FLNC: variants seen among roughly 807,000 people sequenced by gnomAD.
FLNC encodes the protein filamin C.
A neutral mutation model predicts 254.3 loss-of-function variants in FLNC; 91 were observed. That is an observed-to-expected ratio of 0.36 (90% CI 0.30 to 0.43). FLNC has a LOEUF of 0.43. Ranked by LOEUF, FLNC falls within the 20% of genes least tolerant of loss-of-function variation. FLNC has a pLI of 1.00. For missense variants in FLNC, 2,853 were observed against 3,802.6 expected (o/e 0.75, Z 6.57); for synonymous variants, 1,430 against 1,577.2 (o/e 0.91, Z 2.21).
chr7:128,851,164 G>A, intron 33 of FLNC, 68 bp from the exon 34 acceptor site: 1 of 1,610,412 alleles, frequency 6.2e-7, no homozygotes, highest in African/African-American at 1.3e-5. Context: ...GCTGGAAGGT[G>A]CTGGGGCCAA....
At chr7:128,853,306 C>A in intron 37 of FLNC, 163 bp from the exon 38 acceptor site, 1 of 864,530 alleles carries the variant, frequency 1.2e-6, no homozygotes, top group Non-Finnish European at 1.8e-6. Flanking sequence ...TTCCAGACCG[C>A]CTGTCCCGTG....
chr7:128,830,427 G>T lies in FLNC; in HGVS notation c.-211G>T. ...GCCCGCCCTTCCCGAGCACCGCTCC[G>T]GCCCTGGAGGGAGAGAGAGCCAGAG... On this transcript the variant is annotated 5_prime_UTR_variant, in exon 1 of 48. Coordinates refer to ENST00000325888, the MANE Select transcript of FLNC (RefSeq NM_001458.5). 3.4e-6 allele frequency: 2 copies of T among 584,932 alleles called. No individual in the cohort carries two copies. Among genetic ancestry groups the T allele is most frequent in the Non-Finnish European group, 6.0e-6 (2 of 332,880 alleles). 36.2% of individuals were successfully genotyped at this position (584,932 alleles called of 1,614,324 possible).
In FLNC at chr7:128,852,881, A is replaced by C; in HGVS notation, c.6058A>C (p.Ser2020Arg). The change falls in exon 37 of 48, where the codon AGT (serine) becomes CGT (arginine). Residue 2020 changes from serine (S) to arginine (R), a missense_variant. By Grantham distance (110) the Ser-to-Arg change is moderately radical (BLOSUM62 -1). Coordinates refer to ENST00000325888, the MANE Select transcript of FLNC (RefSeq NM_001458.5). ...VGEHVVSVRKSGKHVTNSPFK... is the reference protein window; with the variant it reads ...VGEHVVSVRKRGKHVTNSPFK... ...GGAGCACGTGGTGAGCGTGCGCAAG[A>C]GTGGCAAGCATGTCACCAACAGCCC... The C allele has an allele frequency of 2.5e-6, 4 of 1,613,690 alleles. No individual in the cohort carries two copies. The highest frequency in any genetic ancestry group is 3.4e-6 in the Non-Finnish European group (4 of 1,179,976).
chr7:128,851,621 G>T lies in FLNC; in HGVS notation c.5835G>T (p.Lys1945Asn), dbSNP rs1808818727. The change falls in exon 35 of 48, where the codon AAG (lysine) becomes AAT (asparagine). Residue 1945 changes from lysine (K) to asparagine (N), a missense_variant. By Grantham distance (94) the Lys-to-Asn change is moderately conservative. This residue lies in a region of FLNC where 551 missense variants were observed against 835.0 expected (regional missense o/e 0.66). Coordinates refer to ENST00000325888, the MANE Select transcript of FLNC (RefSeq NM_001458.5). ...TCCCGGGGAGCCCCTTCACAGCCAAGATCACAGGTGAGGCGGGTGTATGGG... is the reference window on the plus strand; with the variant it reads ...TCCCGGGGAGCCCCTTCACAGCCAATATCACAGGTGAGGCGGGTGTATGGG... The part of the protein sequence containing the change: ...KHIPGSPFTA[K>N]ITGDDSMRTS... The T allele has an allele frequency of 6.2e-7, 1 of 1,613,872 alleles. No homozygotes were observed. Among genetic ancestry groups the T allele is most frequent in the African/African-American group, 1.3e-5 (1 of 75,056 alleles).
At chr7:128,832,406 G>A (rs1335860279) in intron 1 of FLNC, among the ~76,000 whole-genome samples, 3 of 152,232 alleles carry the variant, frequency 2.0e-5, no homozygotes, top group African/African-American at 7.2e-5. Context: ...GTCCTGGGCC[G>A]GCATCCTCAG....
intron 23 of FLNC, 139 bp downstream of exon 23, chr7:128,846,602 C>A: frequency 7.3e-7 from 1 of 1,362,278 alleles, no homozygotes; most frequent in Non-Finnish European, 1.0e-6. Flanking sequence ...CCCTCCAGGA[C>A]CCCAGATTGG....
rs746731567 is a variant in FLNC at position 128,846,391 on chromosome 7, G to A, written c.4055G>A (p.Arg1352His). 107 of 1,611,162 alleles carry A rather than the reference G, an allele frequency of 6.6e-5. No homozygotes were observed. Among genetic ancestry groups the A allele is most frequent in the Middle Eastern group, 3.3e-4 (2 of 6,084 alleles). The change falls in exon 23 of 48, where the codon CGC becomes CAC. Residue 1352 changes from arginine to histidine, a missense_variant. Transcript: ENST00000325888. ...VGVTEGCDPTRVRAFGPGLEG... is the reference protein window; with the variant it reads ...VGVTEGCDPTHVRAFGPGLEG... ...GTGACCGAGGGCTGTGATCCCACCC[G>A]CGTCCGAGCCTTCGGGCCAGGCCTG...
intron 24 of FLNC, 31 bp from the exon 25 acceptor site, chr7:128,847,666 T>C (rs914918459): frequency 5.6e-6 from 9 of 1,613,394 alleles, no homozygotes; most frequent in Non-Finnish European, 7.6e-6. Flanking sequence ...TCAGGGCTGG[T>C]GGGCAGGGTC....
At chr7:128,855,682 G>C (rs551662497) in intron 43 of FLNC, among the ~76,000 whole-genome samples, 84 of 152,330 alleles carry the variant, frequency 5.5e-4, no homozygotes, top group African/African-American at 2.0e-3. Flanking sequence ...TTTGCACAGA[G>C]GGTGTGAGAG....
chr7:128,854,053 G>A lies in FLNC; in HGVS notation c.6564G>A (p.Thr2188=), dbSNP rs775348656. The A allele has an allele frequency of 2.5e-5, 41 of 1,613,112 alleles. No homozygotes were observed. The East Asian group carries it at 3.1e-4, about 12-fold the overall frequency. ...FTRSSHTYTR[T]ERTEISKTRG... The stretch of plus-strand genomic sequence containing the variant: ...GCAGCAGCCACACCTACACCCGCAC[G>A]GAGCGCACGGAGATCAGCAAGACGC... The change falls in exon 40 of 48, where the codon ACG becomes ACA. Residue 2188 remains threonine, a synonymous_variant. Transcript: ENST00000325888.
At position 128,853,457 on chromosome 7, in the gene FLNC, G is replaced by T. The variant is rs759937790; in HGVS notation, c.6209-12G>T. 1.2e-6 allele frequency: 2 copies of T among 1,613,650 alleles called. No individual in the cohort carries two copies. The highest frequency in any genetic ancestry group is 2.7e-5 in the African/African-American group (2 of 74,906). On this transcript the variant is annotated splice_polypyrimidine_tract_variant and intron_variant, in intron 37 of 47. Coordinates refer to ENST00000325888, the MANE Select transcript of FLNC (RefSeq NM_001458.5). ...TAGGACTGAGGGAGATGTGTTCCTT[G>T]CTTTCCCCCAGGTTATGGGGGCTTG...
chr7:128,832,433 A>C (rs938460208), intron 1 of FLNC, among the ~76,000 whole-genome samples: 2 of 152,184 alleles, frequency 1.3e-5, no homozygotes, highest in African/African-American at 4.8e-5. Flanking sequence ...GGGTTTTGAA[A>C]GGCAGGACTG....
At chr7:128,837,570 C>T in intron 4 of FLNC, 22 bp downstream of exon 4, 1 of 1,613,978 alleles carries the variant, frequency 6.2e-7, no homozygotes, top group South Asian at 1.1e-5. Context: ...CCCCTGGCGG[C>T]CCTCCTGGGC....
At chr7:128,846,700 C>T in intron 23 of FLNC, 45 bp from the exon 24 acceptor site, 3 of 1,594,136 alleles carry the variant, frequency 1.9e-6, no homozygotes, top group Non-Finnish European at 2.6e-6. Flanking sequence ...CCCTCATCCT[C>T]ACTCACTGGT....
chr7:128,853,068 T>G, intron 37 of FLNC, 37 bp downstream of exon 37: 1 of 1,592,088 alleles, frequency 6.3e-7, no homozygotes, highest in South Asian at 1.1e-5. Flanking sequence ...TTCCAGCGGG[T>G]GCCTCCCACA....
intron 18 of FLNC, 58 bp from the exon 19 acceptor site, chr7:128,843,738 C>T (rs1189527481): frequency 1.3e-6 from 2 of 1,542,784 alleles, no homozygotes; most frequent in African/African-American, 1.4e-5. Context: ...TATTCACCAC[C>T]AGGATGTTGT....
At position 128,858,235 on chromosome 7, in the gene FLNC, G is replaced by A; in HGVS notation, c.7990+18G>A. ...CAAAGCAGGCAGGTGGCGGGGGGAG[G>A]GCGTCTCCCGGGGTGTGAGCAAGAA... On this transcript the variant is annotated intron_variant, in intron 47 of 47. Transcript: ENST00000325888. The surrounding 1 kb of genome is among the most constrained non-coding windows in gnomAD (Gnocchi z 6.7). The A allele has an allele frequency of 1.5e-6, 2 of 1,336,308 alleles. No individual in the cohort carries two copies. Among genetic ancestry groups the A allele is most frequent in the Non-Finnish European group, 2.1e-6 (2 of 931,234 alleles). The allele number at this position is 1,336,308 out of a possible 1,614,324, so 82.8% of individuals were successfully genotyped here.
chr7:128,832,892 G>A (rs924332647), intron 1 of FLNC, among the ~76,000 whole-genome samples: 1 of 152,218 alleles, frequency 6.6e-6, no homozygotes, highest in Admixed American at 6.5e-5. Flanking sequence ...GGGGCATCCT[G>A]CTTCTGCTAG....
At chr7:128,838,220 C>T in intron 6 of FLNC, 47 bp from the exon 7 acceptor site, 1 of 1,599,140 alleles carries the variant, frequency 6.3e-7, no homozygotes. Context: ...TGCCCCCTCT[C>T]AGGACTGCTC....
Sources: allele counts gnomAD v4.1 joint callset (sites outside exome capture counted in the v4.1 genomes callset), GRCh38; gene constraint gnomAD v4.1.1; regional missense constraint gnomAD v4.1.1; non-coding constraint Gnocchi (gnomAD v3.1); transcripts MANE v1.5; gene names NCBI Gene and HGNC (gene_info 2026-07-23, HGNC 2026-07-21).